The following CSMD1 variants were observed in gnomAD, a reference collection of about 807,000 sequenced individuals.
CSMD1 encodes CUB and Sushi multiple domains 1, also known as CUB and sushi domain-containing protein 1.
Under a neutral mutation model 417.5 loss-of-function variants are expected in CSMD1, and 213 were observed. The observed-to-expected ratio is 0.51, with a 90% CI of 0.46 to 0.57. The LOEUF (loss-of-function observed/expected upper bound fraction) is 0.57. Among genes scored for constraint, CSMD1 ranks in the 20% least tolerant of loss-of-function variants. CSMD1 has a pLI of 0.00. For missense variants in CSMD1, 6,923 were observed against 4,529.7 expected (o/e 1.53, Z -15.17); for synonymous variants, 2,862 against 1,736.8 (o/e 1.65, Z -16.11).
chr8:4,075,929 C>G (rs375353846), intron 3 of CSMD1, among the ~76,000 whole-genome samples: 4 of 152,162 alleles, frequency 2.6e-5, no homozygotes, highest in East Asian at 1.9e-4. Flanking sequence ...TTTATATATA[C>G]TAAGAAAATA....
At chr8:4,066,439 T>C (rs954897051) in intron 3 of CSMD1, among the ~76,000 whole-genome samples, 4 of 152,216 alleles carry the variant, frequency 2.6e-5, no homozygotes, top group African/African-American at 7.2e-5. Context: ...TTGCACATGC[T>C]AGCTACCCGA....
At chr8:4,035,136 A>G (rs756055710) in intron 3 of CSMD1, among the ~76,000 whole-genome samples, 2 of 152,112 alleles carry the variant, frequency 1.3e-5, no homozygotes, top group Non-Finnish European at 2.9e-5. Flanking sequence ...GATACGACTC[A>G]TATACAACAT....
chr8:4,842,330 T>G (rs1439704272), intron 1 of CSMD1, among the ~76,000 whole-genome samples: 1 of 152,244 alleles, frequency 6.6e-6, no homozygotes, highest in African/African-American at 2.4e-5. Context: ...AATTCTACAA[T>G]GGACTTTTAA....
intron 1 of CSMD1, among the ~76,000 whole-genome samples, chr8:4,798,525 G>T (rs555627297): frequency 7.9e-5 from 12 of 152,130 alleles, no homozygotes; most frequent in Non-Finnish European, 1.8e-4. Context: ...GAACAGACAG[G>T]TTAGTATCTG....
intron 14 of CSMD1, among the ~76,000 whole-genome samples, chr8:3,406,620 A>T (rs562632635): frequency 6.6e-6 from 1 of 152,270 alleles, no homozygotes; most frequent in African/African-American, 2.4e-5. Flanking sequence ...TGACGCTCTA[A>T]GCCTAGCTAT....
intron 3 of CSMD1, among the ~76,000 whole-genome samples, chr8:4,221,914 T>A (rs1043310804): frequency 6.6e-6 from 1 of 152,140 alleles, no homozygotes. Context: ...AGAAAATGCC[T>A]AGAGAAGCTA....
chr8:3,659,750 A>G (rs766674309), intron 7 of CSMD1, among the ~76,000 whole-genome samples: 15 of 152,306 alleles, frequency 9.8e-5, no homozygotes, highest in South Asian at 2.1e-4. Flanking sequence ...CAACACCCCT[A>G]TGAAAAATAC....
intron 5 of CSMD1, among the ~76,000 whole-genome samples, chr8:3,809,700 G>C (rs1800954210): frequency 6.6e-6 from 1 of 152,150 alleles, no homozygotes; most frequent in African/African-American, 2.4e-5. Context: ...CACTTCCAGA[G>C]ACACTGCCAC....
At chr8:3,929,465 G>C (rs1809985205) in intron 5 of CSMD1, among the ~76,000 whole-genome samples, 1 of 150,378 alleles carries the variant, frequency 6.6e-6, no homozygotes. Flanking sequence ...GAACAAATCA[G>C]CTACAGGTGC....
chr8:4,669,299 C>A (rs117841207), intron 1 of CSMD1, among the ~76,000 whole-genome samples: 1 of 152,166 alleles, frequency 6.6e-6, no homozygotes, highest in South Asian at 2.1e-4. Flanking sequence ...CACTAAAAAT[C>A]CTTACAAGAA....
intron 2 of CSMD1, among the ~76,000 whole-genome samples, chr8:4,459,777 A>G (rs1031082186): frequency 2.0e-5 from 3 of 152,210 alleles, no homozygotes; most frequent in Non-Finnish European, 4.4e-5. Flanking sequence ...GAACTATGAG[A>G]AAATTAATTT....
At chr8:4,671,464 C>A (rs961082835) in intron 1 of CSMD1, among the ~76,000 whole-genome samples, 1 of 152,144 alleles carries the variant, frequency 6.6e-6, no homozygotes, top group South Asian at 2.1e-4. Context: ...ATTCTGGAAG[C>A]ACGACAGAAA....
At chr8:4,938,730 A>T (rs1272931033) in intron 1 of CSMD1, among the ~76,000 whole-genome samples, 7 of 152,216 alleles carry the variant, frequency 4.6e-5, no homozygotes. Context: ...TCGATCTGAA[A>T]TCTGAGAATG....
At chr8:3,778,307 C>T (rs1444132787) in intron 5 of CSMD1, among the ~76,000 whole-genome samples, 1 of 152,226 alleles carries the variant, frequency 6.6e-6, no homozygotes, top group Non-Finnish European at 1.5e-5. Flanking sequence ...GGGTATCTTT[C>T]TCCTGTTACA....
intron 26 of CSMD1, among the ~76,000 whole-genome samples, chr8:3,269,109 G>C (rs548419862): frequency 6.6e-6 from 1 of 152,300 alleles, no homozygotes; most frequent in Non-Finnish European, 1.5e-5. Flanking sequence ...ACAAGACTTA[G>C]AACTTCAGCT....
chr8:4,303,525 G>T (rs933206834), intron 3 of CSMD1, among the ~76,000 whole-genome samples: 9 of 139,684 alleles, frequency 6.4e-5, no homozygotes, highest in African/African-American at 2.3e-4. Flanking sequence ...TATATTCAAA[G>T]ATTCTGTAAA....
At chr8:4,679,250 C>T (rs927840084) in intron 1 of CSMD1, among the ~76,000 whole-genome samples, 2 of 152,174 alleles carry the variant, frequency 1.3e-5, no homozygotes, top group Non-Finnish European at 2.9e-5. Flanking sequence ...CTGAGTCCAG[C>T]TGCTGACGTG....
chr8:2,983,564 C>T (rs1805606002), intron 54 of CSMD1, among the ~76,000 whole-genome samples: 1 of 152,150 alleles, frequency 6.6e-6, no homozygotes, highest in Non-Finnish European at 1.5e-5. Context: ...TAAGGCTTTA[C>T]TTGAAGGCTC....
At chr8:3,827,037 C>T (rs1341918644) in intron 5 of CSMD1, among the ~76,000 whole-genome samples, 1 of 152,104 alleles carries the variant, frequency 6.6e-6, no homozygotes, top group Non-Finnish European at 1.5e-5. Flanking sequence ...CCATCTTGGC[C>T]TTTTGAAGTG....
Sources: allele counts gnomAD v4.1 joint callset (sites outside exome capture counted in the v4.1 genomes callset), GRCh38; gene constraint gnomAD v4.1.1; transcripts MANE v1.5; gene names NCBI Gene and HGNC (gene_info 2026-07-23, HGNC 2026-07-21).